SERPINB12: variants seen among roughly 807,000 people sequenced by gnomAD.
SERPINB12 encodes serpin B12.
SERPINB12 carries 57 observed loss-of-function variants against 41.1 expected under a neutral mutation model. The ratio of observed to expected loss-of-function variants is 1.39; its 90% confidence interval spans 1.12 to 1.73. The LOEUF is 1.73. SERPINB12 is among the 40% of genes most tolerant of loss of function. The pLI is 0.00. For synonymous variants in SERPINB12, 180 were observed against 181.3 expected, an observed-to-expected ratio of 0.99 and a Z score of 0.06; for missense variants, 536 against 501.9, an observed-to-expected ratio of 1.07 and a Z score of -0.65.
At position 63,558,367 on chromosome 18, in the gene SERPINB12, G is replaced by T. The variant is rs745631830; in HGVS notation, c.184G>T (p.Glu62Ter). 2 of 1,613,190 alleles carry T rather than the reference G, an allele frequency of 1.2e-6. No individual in the cohort carries two copies. The highest frequency in any genetic ancestry group is 1.7e-6 in the Non-Finnish European group (2 of 1,179,632). ...HQIDEVLHFNEFSQNESKEPD... is the reference protein window; with the variant it reads ...HQIDEVLHFN ...TATCATGCAGGTACTACACTTCAAC[G>T]AATTTTCCCAGAATGAAAGCAAAGA... The change falls in exon 3 of 8, where the codon GAA becomes TAA. Residue 62 changes from glutamate (E) to a stop codon, truncating the protein, a stop_gained. Transcript: ENST00000382768. LOFTEE classifies it high-confidence loss of function.
At chr18:63,558,003 AT>A (rs1054077358) in intron 2 of SERPINB12, among the ~76,000 whole-genome samples, 1 of 152,074 alleles carries the variant, frequency 6.6e-6, no homozygotes, top group African/African-American at 2.4e-5. Flanking sequence ...TTATTTATTT[AT>A]TTTTTTATAC....
chr18:63,566,374 A>C (rs1911097728), intron 7 of SERPINB12, among the ~76,000 whole-genome samples: 1 of 152,224 alleles, frequency 6.6e-6, no homozygotes, highest in Non-Finnish European at 1.5e-5. Context: ...TGCTTTGAAC[A>C]CTTGTCTCTC....
the SERPINB12 span, among the ~76,000 whole-genome samples, chr18:63,528,758 A>T: frequency 6.6e-6 from 1 of 152,206 alleles, no homozygotes; most frequent in African/African-American, 2.4e-5. Flanking sequence ...AATGGAATGT[A>T]AATTCAGTAG....
At chr18:63,534,605 ACT>A in the SERPINB12 span, among the ~76,000 whole-genome samples, 1 of 152,108 alleles carries the variant, frequency 6.6e-6, no homozygotes, top group African/African-American at 2.4e-5. Flanking sequence ...AAATTCACAA[ACT>A]TTTTTTTCTT....
chr18:63,563,879 A>G lies in SERPINB12; in HGVS notation c.563-99A>G. 3 of 1,153,568 alleles carry G rather than the reference A, an allele frequency of 2.6e-6. No individual in the cohort carries two copies. The South Asian group carries it at 5.0e-5, about 19-fold the overall frequency. The allele number at this position is 1,153,568 out of a possible 1,614,324, so 71.5% of individuals were successfully genotyped here. A position where few individuals can be genotyped will look rare whatever the true frequency, so the allele number is the denominator to read the frequency against. On this transcript the variant is annotated intron_variant, in intron 5 of 7. Coordinates refer to ENST00000382768, the MANE Select transcript of SERPINB12 (RefSeq NM_001307928.2). ...CCATTGCACTCCAGCCTGGGAGACA[A>G]GAGCGAAACTCTGTCTCAAAAAAAA...
At chr18:63,539,493 A>C (rs917546553), upstream of SERPINB12, among the ~76,000 whole-genome samples, 1 of 152,054 alleles carries the variant, frequency 6.6e-6, no homozygotes, top group African/African-American at 2.4e-5. Context: ...TGATATAGGG[A>C]TATGGGAGGA....
rs116626372 is a variant in SERPINB12 at position 63,551,534 on chromosome 18, G to A, written c.-18-4608G>A. ...GAAACGGGGTTTCACCATGTTGGCT[G>A]GGCTGCATGTATGATTTCTTTTACT... On this transcript the variant is annotated intron_variant, in intron 1 of 7. Coordinates refer to ENST00000382768, the MANE Select transcript of SERPINB12 (RefSeq NM_001307928.2). 9.3e-3 allele frequency among the ~76,000 whole-genome samples: 1,406 copies of A among 151,982 alleles called. 18 individuals carry two copies. The highest frequency in any genetic ancestry group is 0.032 in the African/African-American group (1,330 of 41,482).
At chr18:63,557,962 A>G (rs1459713543) in intron 2 of SERPINB12, among the ~76,000 whole-genome samples, 1 of 152,244 alleles carries the variant, frequency 6.6e-6, no homozygotes. Context: ...ATATCCACAT[A>G]TCATCAATAT....
At chr18:63,545,432 T>G (rs1910365961) in intron 1 of SERPINB12, among the ~76,000 whole-genome samples, 3 of 152,192 alleles carry the variant, frequency 2.0e-5, no homozygotes, top group African/African-American at 4.8e-5. Flanking sequence ...TGTTAGTGAT[T>G]TATCAAGCTA....
intron 2 of SERPINB12, among the ~76,000 whole-genome samples, chr18:63,558,033 T>G (rs1009881262): frequency 6.6e-6 from 1 of 152,214 alleles, no homozygotes; most frequent in Non-Finnish European, 1.5e-5. Flanking sequence ...AGATCTGGTG[T>G]GTATTTTGCA....
chr18:63,566,589 A>G lies in SERPINB12; in HGVS notation c.874-18A>G. On this transcript the variant is annotated intron_variant, in intron 7 of 7. Coordinates refer to ENST00000382768, the MANE Select transcript of SERPINB12 (RefSeq NM_001307928.2). Reference sequence around the variant, plus strand: ...GTCCCATAATCTGATGCTAAATATTATTTCCTTCCTCTTGTAGCTTGAAAG... The same window carrying G: ...GTCCCATAATCTGATGCTAAATATTGTTTCCTTCCTCTTGTAGCTTGAAAG... The G allele has an allele frequency of 1.3e-6, 2 of 1,579,706 alleles. No homozygotes were observed. Among genetic ancestry groups the G allele is most frequent in the Non-Finnish European group, 1.7e-6 (2 of 1,166,948 alleles).
intron 1 of SERPINB12, among the ~76,000 whole-genome samples, chr18:63,553,835 T>C (rs757934471): frequency 6.6e-6 from 1 of 152,154 alleles, no homozygotes; most frequent in Non-Finnish European, 1.5e-5. Context: ...ATGTGAGCTA[T>C]GTGTAGAGAA....
At chr18:63,562,657 T>C (rs1599426468) in intron 5 of SERPINB12, among the ~76,000 whole-genome samples, 1 of 152,238 alleles carries the variant, frequency 6.6e-6, no homozygotes, top group East Asian at 1.9e-4. Context: ...TCATAGGCCA[T>C]AAAAATGACC....
Position 63,561,309 on chromosome 18 carries a change from T to C in SERPINB12, c.562+107T>C, listed in dbSNP as rs1910902714. The C allele has an allele frequency of 2.2e-5, 15 of 678,664 alleles. No individual in the cohort carries two copies. In the South Asian group the frequency reaches 2.5e-4, roughly 12 times the overall value. The allele number at this position is 678,664 out of a possible 1,614,324, so 42.0% of individuals were successfully genotyped here. ...GTCTACTGGGGGCCAGAGGTTCACA[T>C]ATGTGGACTGTGTTCAAAGCATGGT... On this transcript the variant is annotated intron_variant, in intron 5 of 7. Coordinates refer to ENST00000382768, the MANE Select transcript of SERPINB12 (RefSeq NM_001307928.2).
the SERPINB12 span, among the ~76,000 whole-genome samples, chr18:63,533,295 A>C: frequency 6.6e-6 from 1 of 152,176 alleles, no homozygotes; most frequent in Non-Finnish European, 1.5e-5. Context: ...TTAATGAATG[A>C]ATCGAACTTA....
chr18:63,537,784 A>G (rs953890431), upstream of SERPINB12, among the ~76,000 whole-genome samples: 1 of 152,180 alleles, frequency 6.6e-6, no homozygotes, highest in Non-Finnish European at 1.5e-5. Context: ...TTTACACTTA[A>G]TGACTAATCT....
chr18:63,559,665 A>G lies in SERPINB12; in HGVS notation c.391A>G (p.Thr131Ala). The G allele has an allele frequency of 6.2e-7, 1 of 1,614,106 alleles. No homozygotes were observed. The highest frequency in any genetic ancestry group is 8.5e-7 in the Non-Finnish European group (1 of 1,179,966). The part of the protein sequence containing the change: ...SKLDRIKTDY[T>A]LSIANRLYGE... ...ATTAGACAGGATCAAGACTGATTAC[A>G]CACTGAGTATTGCCAACAGGCTTTA... The change falls in exon 4 of 8, where the codon ACA becomes GCA. Residue 131 changes from threonine (T) to alanine (A), a missense_variant. Thr to Ala is a moderately conservative substitution (Grantham distance 58). Coordinates refer to ENST00000382768, the MANE Select transcript of SERPINB12 (RefSeq NM_001307928.2).
intron 1 of SERPINB12, among the ~76,000 whole-genome samples, chr18:63,547,528 G>T (rs1008307941): frequency 6.6e-6 from 1 of 151,936 alleles, no homozygotes; most frequent in African/African-American, 2.4e-5. Flanking sequence ...TTCTTGAGTT[G>T]TTAGTAGCTT....
At chr18:63,556,777 C>T (rs963146294) in intron 2 of SERPINB12, among the ~76,000 whole-genome samples, 8 of 152,238 alleles carry the variant, frequency 5.3e-5, no homozygotes, top group Non-Finnish European at 1.2e-4. Flanking sequence ...CTTTCTCTCT[C>T]ACTTTATACC....
Sources: allele counts gnomAD v4.1 joint callset (sites outside exome capture counted in the v4.1 genomes callset), GRCh38; gene constraint gnomAD v4.1.1; transcripts MANE v1.5; gene names NCBI Gene and HGNC (gene_info 2026-07-23, HGNC 2026-07-21).